Variants in MYBBP1A observed in about 807,000 individuals in gnomAD.
MYBBP1A encodes the protein MYB binding protein 1a, also known as myb-binding protein 1A.
In MYBBP1A, 147 loss-of-function variants were observed where a neutral mutation model predicts 136.3. The observed-to-expected ratio is 1.08, with a 90% confidence interval of 0.94 to 1.24. The LOEUF (loss-of-function observed/expected upper bound fraction) is 1.24. MYBBP1A is among the 50% of genes most tolerant of loss of function. The pLI is 0.00. For synonymous variants in MYBBP1A, 947 were observed against 735.8 expected, an observed-to-expected ratio of 1.29 and a Z score of -4.65; for missense variants, 2,060 against 1,727.4, an observed-to-expected ratio of 1.19 and a Z score of -3.41.
At position 4,544,738 on chromosome 17, in the gene MYBBP1A, C is replaced by A; in HGVS notation, c.2481+13G>T. 1.8e-5 allele frequency: 27 copies of A among 1,529,408 alleles called. No homozygotes were observed. Among genetic ancestry groups the A allele is most frequent in the Non-Finnish European group, 2.2e-5 (25 of 1,138,738 alleles). The allele number at this position is 1,529,408 out of a possible 1,614,324, so 94.7% of individuals were successfully genotyped here. A position where few individuals can be genotyped will look rare whatever the true frequency, so the allele number is the denominator to read the frequency against. On this transcript the variant is annotated intron_variant, in intron 18 of 25. Transcript: ENST00000254718. ...GGGAGGCGGGGGTGGGTGCGGCCCGCCCCCAGGCTCACCCGGATCTGGAAG... is the reference window on the plus strand; with the variant it reads ...GGGAGGCGGGGGTGGGTGCGGCCCGACCCCAGGCTCACCCGGATCTGGAAG...
At chr17:4,540,626 T>TTAAGTCATCCG (rs1317947050) in intron 24 of MYBBP1A, 142 bp from the exon 25 acceptor site, 1 of 1,064,114 alleles carries the variant, frequency 9.4e-7, no homozygotes, top group African/African-American at 1.6e-5. Flanking sequence ...CTTCTGCCTG[T>TTAAGTCATCCG]TAAGTCATCC....
intron 8 of MYBBP1A, 64 bp from the exon 9 acceptor site, chr17:4,550,417 C>T (rs1398871284): frequency 7.1e-6 from 11 of 1,540,420 alleles, no homozygotes; most frequent in East Asian, 4.5e-5. Flanking sequence ...AACAACCCAA[C>T]AGCCAAGGGG....
chr17:4,539,084 G>T lies in MYBBP1A; in HGVS notation c.*331C>A. 1 of 1,432,870 alleles carries T rather than the reference G, an allele frequency of 7.0e-7. No individual in the cohort carries two copies. Among genetic ancestry groups the T allele is most frequent in the Non-Finnish European group, 9.7e-7 (1 of 1,031,112 alleles). 88.8% of individuals were successfully genotyped at this position (1,432,870 alleles called of 1,614,324 possible). On this transcript the variant is annotated 3_prime_UTR_variant, in exon 26 of 26. Coordinates refer to ENST00000254718, the MANE Select transcript of MYBBP1A (RefSeq NM_014520.4). ...AAAAAAGCCTGGGGGCAAAGAGGTG[G>T]CAGGCACGAGAGATGGTCACACCTG...
In MYBBP1A at chr17:4,548,770, T is replaced by G; in HGVS notation, c.1431-121A>C. On this transcript the variant is annotated intron_variant, in intron 10 of 25. Transcript: ENST00000254718. The surrounding 1 kb of genome is among the most constrained non-coding windows in gnomAD (Gnocchi z 4.2). ...AGGAGGAGGAGCCGCCCTTCTGCCC[T>G]GGGTACAGTCCTCGGGGGCCTGACG... 1 of 1,393,536 alleles carries G rather than the reference T, an allele frequency of 7.2e-7. No homozygotes were observed. Among genetic ancestry groups the G allele is most frequent in the Non-Finnish European group, 9.8e-7 (1 of 1,019,012 alleles). 86.3% of individuals were successfully genotyped at this position (1,393,536 alleles called of 1,614,324 possible).
In MYBBP1A at chr17:4,543,026, A is replaced by G. The variant is rs1425577529; in HGVS notation, c.2779T>C (p.Ser927Pro). 3.1e-6 allele frequency: 5 copies of G among 1,613,664 alleles called. No individual in the cohort carries two copies. The change falls in exon 20 of 26, where the codon TCT (serine) becomes CCT (proline). Residue 927 changes from serine to proline, a missense_variant. Ser to Pro is a moderately conservative substitution (Grantham distance 74). Coordinates refer to ENST00000254718, the MANE Select transcript of MYBBP1A (RefSeq NM_014520.4). Reference sequence around the variant, plus strand: ...TTCAAGACCCGGAGCAGGTAGAGAGAGGCGTTGAAGTGGTAGAGGGCGGTG... The same window carrying G: ...TTCAAGACCCGGAGCAGGTAGAGAGGGGCGTTGAAGTGGTAGAGGGCGGTG... ...SPTALYHFNASLYLLRVLKGN... is the reference protein window; with the variant it reads ...SPTALYHFNAPLYLLRVLKGN...
chr17:4,542,712 C>T lies in MYBBP1A; in HGVS notation c.2922G>A (p.Val974=), dbSNP rs762475640. Residue 974 remains valine, a synonymous_variant, in exon 21 of 26, where the codon GTG becomes GTA. Coordinates refer to ENST00000254718, the MANE Select transcript of MYBBP1A (RefSeq NM_014520.4). ...TCAGTGCTGTCGAGTACACCCGGGT[C>T]ACCAGGTTCAAGTCCAAGCAGCTGG... ...QAASCLDLNL[V]TRVYSTALSS... 1.2e-6 allele frequency: 2 copies of T among 1,613,916 alleles called. No individual in the cohort carries two copies. Among genetic ancestry groups the T allele is most frequent in the South Asian group, 2.2e-5 (2 of 90,956 alleles).
chr17:4,549,906 C>G (rs751490273), intron 9 of MYBBP1A, 152 bp downstream of exon 9: 3 of 774,708 alleles, frequency 3.9e-6, no homozygotes, highest in African/African-American at 1.7e-5. Flanking sequence ...CACAAGTAAA[C>G]TGAGGCCTCA....
Position 4,549,391 on chromosome 17 carries a change from C to T in MYBBP1A, c.1371G>A (p.Val457=). Reference sequence around the variant, plus strand: ...CCAGGTGCAGGCTGTCCACAATGCTCACCAATCGAAAGATGATCCATTTCC... The same window carrying T: ...CCAGGTGCAGGCTGTCCACAATGCTTACCAATCGAAAGATGATCCATTTCC... ...RLRKWIIFRL[V]SIVDSLHLEM... is the part of the protein sequence containing the mutation. The change falls in exon 10 of 26, where the codon GTG becomes GTA. Residue 457 remains valine, a synonymous_variant. Transcript: ENST00000254718. 3 of 1,613,308 alleles carry T rather than the reference C, an allele frequency of 1.9e-6. No individual in the cohort carries two copies. The highest frequency in any genetic ancestry group is 1.1e-5 in the South Asian group (1 of 91,070).
chr17:4,547,046 G>A (rs1907076424), intron 13 of MYBBP1A, among the ~76,000 whole-genome samples: 1 of 151,910 alleles, frequency 6.6e-6, no homozygotes, highest in African/African-American at 2.4e-5. Context: ...TGAGTAGCTG[G>A]GATTACAGGC....
chr17:4,548,387 T>TCGCCGAGCCCTGGGGAGGG lies in MYBBP1A; in HGVS notation c.1557-78_1557-77insCCCTCCCCAGGGCTCGGCG. On this transcript the variant is annotated intron_variant, in intron 11 of 25. Transcript: ENST00000254718. The surrounding 1 kb of genome is among the most constrained non-coding windows in gnomAD (Gnocchi z 4.2). ...CGCCTCCCTCCGCCCTCCCCAGGGC[T>TCGCCGAGCCCTGGGGAGGG]CGGTCTCCCGCCTCTCCAGGACCTA... 1.9e-6 allele frequency: 3 copies of TCGCCGAGCCCTGGGGAGGG among 1,600,892 alleles called. No homozygotes were observed. Among genetic ancestry groups the TCGCCGAGCCCTGGGGAGGG allele is most frequent in the Non-Finnish European group, 2.6e-6 (3 of 1,172,080 alleles).
intron 21 of MYBBP1A, 33 bp from the exon 22 acceptor site, chr17:4,542,565 G>A: frequency 6.2e-7 from 1 of 1,613,016 alleles, no homozygotes; most frequent in Non-Finnish European, 8.5e-7. Context: ...GTGAGGTGCA[G>A]GCTGGGCTGA....
Position 4,539,611 on chromosome 17 carries a change from G to A in MYBBP1A, c.3791C>T (p.Ala1264Val). 1 of 1,614,094 alleles carries A rather than the reference G, an allele frequency of 6.2e-7. No homozygotes were observed. The highest frequency in any genetic ancestry group is 1.1e-5 in the South Asian group (1 of 91,082). Residue 1264 changes from alanine to valine, a missense_variant, in exon 26 of 26, where the codon GCT becomes GTT. Physicochemically the swap from Ala to Val is moderately conservative, Grantham distance 64 (BLOSUM62 0). Coordinates refer to ENST00000254718, the MANE Select transcript of MYBBP1A (RefSeq NM_014520.4). ...KNQKPSQVNGAPGSPTEPAGQ... is the reference protein window; with the variant it reads ...KNQKPSQVNGVPGSPTEPAGQ... The stretch of plus-strand genomic sequence containing the variant: ...TGCAGGTTCCGTGGGGGACCCGGGA[G>A]CTCCATTCACCTGGGACGGCTTCTG...
Position 4,548,422 on chromosome 17 carries a change from C to A in MYBBP1A, c.1556+102G>T. On this transcript the variant is annotated intron_variant, in intron 11 of 25. Transcript: ENST00000254718. The surrounding 1 kb of genome is among the most constrained non-coding windows in gnomAD (Gnocchi z 4.2). ...GCCTCTCCAGGACCTACTAGAACTC[C>A]GGGGGCCTCTGCCGTTGTTCCCAGC... 1 of 1,606,088 alleles carries A rather than the reference C, an allele frequency of 6.2e-7. No individual in the cohort carries two copies. Among genetic ancestry groups the A allele is most frequent in the Non-Finnish European group, 8.5e-7 (1 of 1,174,930 alleles).
intron 1 of MYBBP1A, 35 bp from the exon 2 acceptor site, chr17:4,554,991 G>A (rs1488293929): frequency 1.9e-6 from 3 of 1,611,108 alleles, no homozygotes; most frequent in Non-Finnish European, 2.5e-6. Flanking sequence ...GTTCAATGGT[G>A]ACAACAAGGT....
In MYBBP1A at chr17:4,545,808, C is replaced by A. The variant is rs750951190; in HGVS notation, c.1921+38G>T. ...CCCGGATAGGGGACCGCTGGCCCCA[C>A]CCCACCACTCTAGTCCCTCTCGTGA... On this transcript the variant is annotated intron_variant, in intron 14 of 25. Transcript: ENST00000254718. The A allele has an allele frequency of 4.3e-6, 7 of 1,610,200 alleles. No homozygotes were observed. In the Admixed American group the frequency reaches 8.4e-5, roughly 19 times the overall value.
In MYBBP1A at chr17:4,554,212, G is replaced by C. The variant is rs370693565; in HGVS notation, c.361C>G (p.Leu121Val). 34 of 1,614,028 alleles carry C rather than the reference G, an allele frequency of 2.1e-5. No homozygotes were observed. Among genetic ancestry groups the C allele is most frequent in the Admixed American group, 6.7e-5 (4 of 60,008 alleles). The part of the protein sequence containing the change: ...ILQQIQEKYD[L>V]HQVKKAMLRP... ...ACTCTCACCTTCTTCACCTGATGCA[G>C]GTCATATTTTTCTTGTATCTGCTGC... Residue 121 changes from leucine (L) to valine (V), a missense_variant, in exon 3 of 26, where the codon CTG becomes GTG. Transcript: ENST00000254718.
Position 4,555,180 on chromosome 17 carries a change from T to C in MYBBP1A, c.145A>G (p.Thr49Ala). ...AGCTTCTCCGTGGCCGCAAGTCGCG[T>C]CTCCTGCTCAGGCTTCGCAATGTCC... ...FWDIAKPEQE[T>A]RLAATEKLLE... The change falls in exon 1 of 26, where the codon ACG becomes GCG. Residue 49 changes from threonine to alanine, a missense_variant. Physicochemically the swap from Thr to Ala is moderately conservative, Grantham distance 58. Coordinates refer to ENST00000254718, the MANE Select transcript of MYBBP1A (RefSeq NM_014520.4). The C allele has an allele frequency of 6.2e-7, 1 of 1,606,896 alleles. No individual in the cohort carries two copies. The highest frequency in any genetic ancestry group is 8.5e-7 in the Non-Finnish European group (1 of 1,176,956).
chr17:4,540,835 C>G (rs1906346705), intron 24 of MYBBP1A, among the ~76,000 whole-genome samples: 2 of 151,612 alleles, frequency 1.3e-5, no homozygotes, highest in Non-Finnish European at 3.0e-5. Context: ...CTGCCACCTT[C>G]CTGCACATCC....
In MYBBP1A at chr17:4,539,054, A is replaced by C. The variant is rs1405129533; in HGVS notation, c.*361T>G. 2.6e-6 allele frequency: 3 copies of C among 1,149,520 alleles called. No individual in the cohort carries two copies. The East Asian group carries it at 7.0e-5, about 27-fold the overall frequency. The allele number at this position is 1,149,520 out of a possible 1,614,324, so 71.2% of individuals were successfully genotyped here. On this transcript the variant is annotated 3_prime_UTR_variant, in exon 26 of 26. Coordinates refer to ENST00000254718, the MANE Select transcript of MYBBP1A (RefSeq NM_014520.4). ...TAAATCACCCCCTGGTGGCTCCCTC[A>C]CAGCAAAAAAGCCTGGGGGCAAAGA...
Sources: gnomAD v4.1 joint callset for allele counts (sites outside exome capture counted in the v4.1 genomes callset) on GRCh38, gnomAD v4.1.1 for gene constraint, Gnocchi (gnomAD v3.1) non-coding constraint, MANE v1.5 for transcripts, NCBI Gene and HGNC (gene_info 2026-07-23, HGNC 2026-07-21) for gene names.